The following FNDC3B variants were observed in gnomAD, a reference collection of about 807,000 sequenced individuals.
The protein encoded by FNDC3B is fibronectin type III domain-containing protein 3B.
FNDC3B carries 12 observed loss-of-function variants against 151.5 expected under a neutral mutation model. The ratio of observed to expected loss-of-function variants is 0.08; its 90% CI spans 0.05 to 0.13. The LOEUF is 0.13. Ranked by LOEUF, FNDC3B falls within the 10% of genes least tolerant of loss-of-function variation. The pLI is 1.00. For synonymous variants in FNDC3B, 528 were observed against 549.0 expected, an observed-to-expected ratio of 0.96 and a Z score of 0.54; for missense variants, 1,214 against 1,505.3, an observed-to-expected ratio of 0.81 and a Z score of 3.20.
At chr3:172,296,787 C>T (rs530486213) in intron 8 of FNDC3B, among the ~76,000 whole-genome samples, 5 of 152,318 alleles carry the variant, frequency 3.3e-5, no homozygotes, top group South Asian at 2.1e-4. Flanking sequence ...CACTTATGCA[C>T]GGATTCCTTG....
At chr3:172,124,350 C>G (rs1720702998) in intron 2 of FNDC3B, among the ~76,000 whole-genome samples, 1 of 152,236 alleles carries the variant, frequency 6.6e-6, no homozygotes, top group Admixed American at 6.5e-5. Context: ...CTTGGCCTCC[C>G]AAAGTGCTGG....
intron 3 of FNDC3B, among the ~76,000 whole-genome samples, chr3:172,217,777 G>A (rs1242939636): frequency 6.6e-6 from 1 of 151,958 alleles, no homozygotes; most frequent in Non-Finnish European, 1.5e-5. Context: ...ATTAAACCCC[G>A]GTCTTTCTAT....
chr3:172,294,648 T>C (rs1730501997), intron 7 of FNDC3B, among the ~76,000 whole-genome samples: 1 of 152,178 alleles, frequency 6.6e-6, no homozygotes, highest in African/African-American at 2.4e-5. Flanking sequence ...CGGGGGTCTA[T>C]CAATAAACAG....
intron 2 of FNDC3B, among the ~76,000 whole-genome samples, chr3:172,116,610 G>A (rs1404115236): frequency 6.6e-6 from 1 of 151,924 alleles, no homozygotes; most frequent in South Asian, 2.1e-4. Flanking sequence ...CTGTTGCCCA[G>A]GCTGGAGTGC....
chr3:172,359,692 C>T (rs927115498), intron 22 of FNDC3B, among the ~76,000 whole-genome samples: 1 of 152,098 alleles, frequency 6.6e-6, no homozygotes, highest in Non-Finnish European at 1.5e-5. Flanking sequence ...TAGAAAGAAA[C>T]TCTTCTATTA....
At position 172,362,961 on chromosome 3, in the gene FNDC3B, G is replaced by A. The variant is rs1466087812; in HGVS notation, c.3008+116G>A. 6 of 797,336 alleles carry A rather than the reference G, an allele frequency of 7.5e-6. No individual in the cohort carries two copies. The East Asian group carries it at 1.6e-4, about 21-fold the overall frequency. 49.4% of individuals were successfully genotyped at this position (797,336 alleles called of 1,614,324 possible). On this transcript the variant is annotated intron_variant, in intron 23 of 25. Transcript: ENST00000415807. ...AGACCCTCTTCCTTCTTGTTCAGAG[G>A]CTTCCTTTGACTTGAGCCCTGCGTT...
intron 1 of FNDC3B, among the ~76,000 whole-genome samples, chr3:172,086,040 T>A (rs1718531292): frequency 6.6e-6 from 1 of 152,172 alleles, no homozygotes; most frequent in Admixed American, 6.5e-5. Context: ...AAATGAATGC[T>A]TGAGATTTGT....
At chr3:172,121,051 A>G (rs986770844) in intron 2 of FNDC3B, among the ~76,000 whole-genome samples, 9 of 152,210 alleles carry the variant, frequency 5.9e-5, no homozygotes, top group East Asian at 5.8e-4. Context: ...CAGAAGTTGC[A>G]GCCATTTGCT....
chr3:172,335,426 G>A lies in FNDC3B; in HGVS notation c.1780+344G>A, dbSNP rs189368740. The A allele has an allele frequency of 1.5e-3, 240 of 164,000 alleles. 4 individuals are homozygous for A. The South Asian group carries it at 0.04, about 27-fold the overall frequency. The allele number at this position is 164,000 out of a possible 1,614,324, so 10.2% of individuals were successfully genotyped here. ...GAATGTAGTAATCTCTGCATGCATC[G>A]TTCATTCTTCAATAGTTCATCCTTA... On this transcript the variant is annotated intron_variant, in intron 15 of 25. Transcript: ENST00000415807.
chr3:172,335,367 ATTT>A (rs944461787), intron 15 of FNDC3B: 1 of 239,354 alleles, frequency 4.2e-6, no homozygotes, highest in African/African-American at 2.3e-5. Flanking sequence ...CTGTTTACAT[ATTT>A]TTTTCTCCTA....
At chr3:172,362,174 G>C (rs1332873993) in intron 22 of FNDC3B, among the ~76,000 whole-genome samples, 2 of 152,160 alleles carry the variant, frequency 1.3e-5, no homozygotes, top group East Asian at 3.8e-4. Flanking sequence ...GTTGGATGAG[G>C]CTGGCAAAAG....
At chr3:172,191,070 A>C (rs539992322) in intron 3 of FNDC3B, among the ~76,000 whole-genome samples, 1 of 152,344 alleles carries the variant, frequency 6.6e-6, no homozygotes, top group East Asian at 1.9e-4. Context: ...AATTATATAA[A>C]TAGATGAGAC....
intron 6 of FNDC3B, among the ~76,000 whole-genome samples, chr3:172,270,065 A>G (rs749156036): frequency 5.3e-5 from 8 of 152,266 alleles, no homozygotes; most frequent in Non-Finnish European, 1.2e-4. Flanking sequence ...AATGACATCA[A>G]TTATTGTGAG....
chr3:172,100,704 A>G (rs996656518), intron 1 of FNDC3B, among the ~76,000 whole-genome samples: 2 of 152,170 alleles, frequency 1.3e-5, no homozygotes, highest in African/African-American at 4.8e-5. Context: ...TCTGAGCTCT[A>G]AGTAACACCT....
At chr3:172,078,093 G>C (rs376612116) in intron 1 of FNDC3B, among the ~76,000 whole-genome samples, 1 of 152,058 alleles carries the variant, frequency 6.6e-6, no homozygotes, top group Admixed American at 6.5e-5. Context: ...CGATTCTCCC[G>C]CCTCAGCCTC....
At chr3:172,334,893 A>T (rs755461665) in intron 14 of FNDC3B, 51 bp from the exon 15 acceptor site, 5 of 1,555,044 alleles carry the variant, frequency 3.2e-6, no homozygotes, top group Non-Finnish European at 3.5e-6. Flanking sequence ...CCATTAATTT[A>T]ATGATCCCTG....
intron 11 of FNDC3B, among the ~76,000 whole-genome samples, chr3:172,311,293 T>C (rs1437594292): frequency 6.6e-6 from 1 of 152,248 alleles, no homozygotes; most frequent in Admixed American, 6.5e-5. Context: ...GTATGTACTT[T>C]GGTGTTACAC....
In FNDC3B at chr3:172,216,390, G is replaced by C. The variant is rs930447752; in HGVS notation, c.188-10481G>C. Among the ~76,000 whole-genome samples the C allele has an allele frequency of 2.0e-5, 3 of 152,132 alleles. No homozygotes were observed. The South Asian group carries it at 6.2e-4, about 32-fold the overall frequency. ...TCATTTAAATAAGTTTAACTGGCTGGGCACAGTAACTCGCACCTGTAATCT... is the reference window on the plus strand; with the variant it reads ...TCATTTAAATAAGTTTAACTGGCTGCGCACAGTAACTCGCACCTGTAATCT... On this transcript the variant is annotated intron_variant, in intron 3 of 25. Coordinates refer to ENST00000415807, the MANE Select transcript of FNDC3B (RefSeq NM_022763.4).
chr3:172,336,291 G>A (rs1233599792), intron 15 of FNDC3B, among the ~76,000 whole-genome samples: 1 of 152,112 alleles, frequency 6.6e-6, no homozygotes, highest in Non-Finnish European at 1.5e-5. Flanking sequence ...TTATAGTTTT[G>A]CAAAATTAGA....
Sources: allele counts gnomAD v4.1 joint callset (sites outside exome capture counted in the v4.1 genomes callset), GRCh38; gene constraint gnomAD v4.1.1; transcripts MANE v1.5; gene names NCBI Gene and HGNC (gene_info 2026-07-23, HGNC 2026-07-21).